NEB: variants seen among roughly 807,000 people sequenced by gnomAD.
NEB encodes nemaline myopathy type 2.
Under a neutral mutation model 952.2 loss-of-function variants are expected in NEB, and 512 were observed. The ratio of observed to expected loss-of-function variants is 0.54; its 90% confidence interval spans 0.50 to 0.58. The LOEUF (loss-of-function observed/expected upper bound fraction) is 0.58. Among genes scored for constraint, NEB ranks in the 20% least tolerant of loss-of-function variants. NEB has a pLI of 0.00. For missense variants in NEB, 8,428 were observed against 9,231.1 expected (o/e 0.91, Z 3.56); for synonymous variants, 2,900 against 3,149.8 (o/e 0.92, Z 2.66).
chr2:151,526,545 C>G (rs2086132609), intron 148 of NEB, among the ~76,000 whole-genome samples: 1 of 152,302 alleles, frequency 6.6e-6, no homozygotes, highest in Non-Finnish European at 1.5e-5. Context: ...ATAAGCCCTC[C>G]ATGAGCCCAT....
Position 151,687,610 on chromosome 2 carries a change from C to T in NEB, c.2523+16G>A, listed in dbSNP as rs2099513244. 2 of 1,613,534 alleles carry T rather than the reference C, an allele frequency of 1.2e-6. No homozygotes were observed. The highest frequency in any genetic ancestry group is 1.7e-6 in the Non-Finnish European group (2 of 1,179,622). On this transcript the variant is annotated intron_variant, in intron 26 of 181. Coordinates refer to ENST00000397345, the MANE Select transcript of NEB (RefSeq NM_001164508.2). ...GCCACCCTGTCCAGGTCCCCAGGTCCCCAGGCCACACTCACATCGCTGGTG... is the reference window on the plus strand; with the variant it reads ...GCCACCCTGTCCAGGTCCCCAGGTCTCCAGGCCACACTCACATCGCTGGTG...
In NEB at chr2:151,697,133, A is replaced by G. The variant is rs2099602535; in HGVS notation, c.1470+15T>C. 1.3e-6 allele frequency: 2 copies of G among 1,589,496 alleles called. No homozygotes were observed. The highest frequency in any genetic ancestry group is 2.2e-5 in the East Asian group (1 of 44,670). ...TGGAAGGCAGTCACATTCAAAGTTC[A>G]GACTACAGACTTACGTCTTTACACT... is the stretch of plus-strand genomic sequence containing the variant. On this transcript the variant is annotated intron_variant, in intron 16 of 181. Coordinates refer to ENST00000397345, the MANE Select transcript of NEB (RefSeq NM_001164508.2).
rs1371221586 is a variant in NEB at position 151,485,676 on chromosome 2, C to G, written c.*84G>C. 11 of 1,324,884 alleles carry G rather than the reference C, an allele frequency of 8.3e-6. No homozygotes were observed. Among genetic ancestry groups the G allele is most frequent in the Admixed American group, 2.3e-5 (1 of 44,072 alleles). 82.1% of individuals were successfully genotyped at this position (1,324,884 alleles called of 1,614,324 possible). On this transcript the variant is annotated 3_prime_UTR_variant, in exon 182 of 182. Coordinates refer to ENST00000397345, the MANE Select transcript of NEB (RefSeq NM_001164508.2). ...AGAAAAACCATAGGCAGCTTGAGAA[C>G]TTAGGTAACAGTGGAGAGTCTAAAC...
In NEB at chr2:151,490,453, CA is replaced by C; in HGVS notation, c.25215del (p.Glu8406ArgfsTer89). ...RSASALSISGGEEKSEHSEAP... is the reference protein window; with the variant it reads ...RSASALSISGXEEKSEHSEAP... The stretch of plus-strand genomic sequence containing the variant: ...GCTTCTGAATGCTCAGACTTCTCCT[CA>C]CCCCCACTGATGCTTAGTGCACTGG... On this transcript the variant is annotated frameshift_variant, in exon 180 of 182. Coordinates refer to ENST00000397345, the MANE Select transcript of NEB (RefSeq NM_001164508.2). LOFTEE classifies it high-confidence loss of function. The C allele has an allele frequency of 2.5e-6, 4 of 1,606,996 alleles. No homozygotes were observed. The highest frequency in any genetic ancestry group is 3.4e-6 in the Non-Finnish European group (4 of 1,176,780).
intron 52 of NEB, 29 bp downstream of exon 52, chr2:151,653,963 A>G: frequency 1.4e-6 from 2 of 1,430,952 alleles, no homozygotes; most frequent in Non-Finnish European, 2.0e-6. Flanking sequence ...ATAAAAATAT[A>G]GCCTTATAGA....
At chr2:151,685,426 G>T (rs1346799699) in intron 27 of NEB, among the ~76,000 whole-genome samples, 1 of 152,138 alleles carries the variant, frequency 6.6e-6, no homozygotes, top group Non-Finnish European at 1.5e-5. Context: ...TTTATTGGCT[G>T]TATAGAGTCA....
chr2:151,682,536 G>A (rs986895751), intron 29 of NEB, 126 bp downstream of exon 29: 30 of 746,236 alleles, frequency 4.0e-5, no homozygotes, highest in South Asian at 2.9e-4. Flanking sequence ...ATTTGTGCAC[G>A]TGGTAAGCTC....
chr2:151,561,386 C>T, intron 121 of NEB, 74 bp from the exon 122 acceptor site: 1 of 974,678 alleles, frequency 1.0e-6, no homozygotes, highest in South Asian at 1.4e-5. Context: ...CTTGTGCCAA[C>T]TTACATGTGC....
intron 153 of NEB, among the ~76,000 whole-genome samples, chr2:151,522,736 C>T (rs1306917674): frequency 1.3e-5 from 2 of 152,180 alleles, no homozygotes; most frequent in Non-Finnish European, 2.9e-5. Context: ...GTCTTTCTTA[C>T]ATCACTGATG....
At position 151,610,611 on chromosome 2, in the gene NEB, T is replaced by C; in HGVS notation, c.11923A>G (p.Lys3975Glu). The change falls in exon 80 of 182, where the codon AAG (lysine) becomes GAG (glutamate). Residue 3975 changes from lysine to glutamate, a missense_variant. Transcript: ENST00000397345. ...TTCATCTTTGATTCATCCCATCCCT[T>C]GGTGTAAAGTTTCTAGGGAAGGGAT... ...SANISQKLYT[K>E]GWDESKMKDY... 3 of 1,612,082 alleles carry C rather than the reference T, an allele frequency of 1.9e-6. No individual in the cohort carries two copies. Among genetic ancestry groups the C allele is most frequent in the Non-Finnish European group, 2.5e-6 (3 of 1,178,148 alleles).
At chr2:151,530,344 C>T (rs2089971060) in intron 145 of NEB, among the ~76,000 whole-genome samples, 1 of 152,122 alleles carries the variant, frequency 6.6e-6, no homozygotes, top group Admixed American at 6.5e-5. Flanking sequence ...CCTGGGACTT[C>T]CAGCTTCACC....
rs1553592578 is a variant in NEB at position 151,692,317 on chromosome 2, T to A, written c.1942A>T (p.Asn648Tyr). Residue 648 changes from asparagine (N) to tyrosine (Y), a missense_variant, in exon 21 of 182, where the codon AAT becomes TAT. By Grantham distance (143) the Asn-to-Tyr change is moderately radical. Around this residue, in one of 11 missense-constraint regions of NEB, gnomAD observed 2,851 missense variants for 2,791.5 expected, o/e 1.02. Coordinates refer to ENST00000397345, the MANE Select transcript of NEB (RefSeq NM_001164508.2). ...NYEKTKAKSM[N>Y]YCETPKYQLD... ...TGATATTTTGGGGTCTCACAGTAAT[T>A]CATACTCTTTGCCTTTGTCTTCTCA... The A allele has an allele frequency of 5.0e-6, 8 of 1,613,502 alleles. No individual in the cohort carries two copies. The highest frequency in any genetic ancestry group is 1.3e-5 in the African/African-American group (1 of 74,946).
intron 28 of NEB, among the ~76,000 whole-genome samples, chr2:151,683,431 C>T (rs1039721889): frequency 1.3e-5 from 2 of 152,172 alleles, no homozygotes; most frequent in East Asian, 1.9e-4. Flanking sequence ...CAAAAATTTA[C>T]GTTTTAGATA....
At position 151,530,987 on chromosome 2, in the gene NEB, T is replaced by C. The variant is rs1576455408; in HGVS notation, c.21630+7A>G. 18 of 1,592,568 alleles carry C rather than the reference T, an allele frequency of 1.1e-5. No homozygotes were observed. Among genetic ancestry groups the C allele is most frequent in the Non-Finnish European group, 1.5e-5 (18 of 1,161,562 alleles). On this transcript the variant is annotated splice_region_variant and intron_variant, in intron 145 of 181. Coordinates refer to ENST00000397345, the MANE Select transcript of NEB (RefSeq NM_001164508.2). ...GAGAGGGACTGCTAAACCATTCTAG[T>C]ACTTACATCACTGACTTCATCTTTA...
chr2:151,497,766 A>C, intron 170 of NEB, 48 bp from the exon 171 acceptor site: 1 of 1,549,830 alleles, frequency 6.5e-7, no homozygotes, highest in Non-Finnish European at 8.7e-7. Flanking sequence ...GTAACATTTC[A>C]TTTCTTGGGA....
intron 107 of NEB, 122 bp downstream of exon 107, chr2:151,575,573 A>G: frequency 2.8e-6 from 2 of 713,350 alleles, no homozygotes; most frequent in East Asian, 2.7e-5. Context: ...GGTGACCACA[A>G]GGAGTCTTCC....
chr2:151,525,862 T>C, intron 150 of NEB, 96 bp downstream of exon 150: 1 of 902,886 alleles, frequency 1.1e-6, no homozygotes, highest in Non-Finnish European at 1.9e-6. Flanking sequence ...AGAGTGAAGC[T>C]ACATAAAGGA....
At position 151,636,307 on chromosome 2, in the gene NEB, C is replaced by T; in HGVS notation, c.9022G>A (p.Ala3008Thr). The T allele has an allele frequency of 6.2e-7, 1 of 1,608,122 alleles. No homozygotes were observed. Among genetic ancestry groups the T allele is most frequent in the Non-Finnish European group, 8.5e-7 (1 of 1,179,614 alleles). The change falls in exon 64 of 182, where the codon GCA (alanine) becomes ACA (threonine). Residue 3008 changes from alanine (A) to threonine (T), a missense_variant. Ala to Thr is a moderately conservative substitution (Grantham distance 58). Around this residue, in one of 11 missense-constraint regions of NEB, gnomAD observed 1,772 missense variants for 1,960.3 expected, o/e 0.90. Transcript: ENST00000397345. Reference sequence around the variant, plus strand: ...CGCAAGTCATAGCCTTTCTTCTTTGCTTCTTCATTAGCAAGTTTGTACAGA... The same window carrying T: ...CGCAAGTCATAGCCTTTCTTCTTTGTTTCTTCATTAGCAAGTTTGTACAGA... ...ESLYKLANEE[A>T]KKKGYDLRSD... is the part of the protein sequence containing the mutation.
chr2:151,624,484 GA>G (rs1177404101), intron 71 of NEB, among the ~76,000 whole-genome samples: 2 of 152,112 alleles, frequency 1.3e-5, no homozygotes, highest in Non-Finnish European at 2.9e-5. Context: ...GTGGCCAAGA[GA>G]AAATGGCCCA....
Sources: allele counts gnomAD v4.1 joint callset (sites outside exome capture counted in the v4.1 genomes callset), GRCh38; gene constraint gnomAD v4.1.1; regional missense constraint gnomAD v4.1.1; transcripts MANE v1.5; gene names NCBI Gene and HGNC (gene_info 2026-07-23, HGNC 2026-07-21).